The following SGSM2 variants were observed in gnomAD, a reference collection of about 807,000 sequenced individuals.
The protein encoded by SGSM2 is RUN and TBC1 domain containing 1.
A neutral mutation model predicts 126.6 loss-of-function variants in SGSM2; 89 were observed. The observed-to-expected ratio is 0.70, with a 90% CI of 0.59 to 0.84. SGSM2 has a LOEUF of 0.84. Among genes scored for constraint, SGSM2 ranks in the 40% least tolerant of loss-of-function variants. The pLI, the probability that SGSM2 is intolerant of heterozygous loss-of-function variation, is 0.00. For missense variants in SGSM2, 1,404 were observed against 1,416.6 expected (o/e 0.99, Z 0.14); for synonymous variants, 614 against 574.3 (o/e 1.07, Z -0.99).
At chr17:2,358,292 G>A (rs1374830077) in intron 2 of SGSM2, among the ~76,000 whole-genome samples, 1 of 152,228 alleles carries the variant, frequency 6.6e-6, no homozygotes, top group East Asian at 1.9e-4. Flanking sequence ...CGGGGAAGGA[G>A]GACACTGTTG....
intron 2 of SGSM2, among the ~76,000 whole-genome samples, chr17:2,358,105 C>T (rs1424095103): frequency 1.3e-5 from 2 of 152,150 alleles, no homozygotes; most frequent in Non-Finnish European, 2.9e-5. Context: ...CACCCTCCAC[C>T]CTGGGAGGTG....
In SGSM2 at chr17:2,379,100, G is replaced by T; in HGVS notation, c.2964G>T (p.Ser988=). 6.2e-7 allele frequency: 1 copy of T among 1,614,202 alleles called. No homozygotes were observed. The highest frequency in any genetic ancestry group is 8.5e-7 in the Non-Finnish European group (1 of 1,180,022). ...EVIWAARHIS[S]EHFVLFIALA... ...TCTGGGCAGCCAGGCACATCTCATC[G>T]GAGCACTTTGTCCTGTTCATCGCCC... The change falls in exon 23 of 24, where the codon TCG becomes TCT. Residue 988 remains serine, a synonymous_variant. Transcript: ENST00000268989.
At chr17:2,349,199 A>C (rs2064740097) in intron 2 of SGSM2, among the ~76,000 whole-genome samples, 1 of 152,040 alleles carries the variant, frequency 6.6e-6, no homozygotes, top group Non-Finnish European at 1.5e-5. Context: ...AAAATGGCGA[A>C]GCCCCATCTG....
At position 2,372,349 on chromosome 17, in the gene SGSM2, C is replaced by T; in HGVS notation, c.1649C>T (p.Ala550Val). Residue 550 changes from alanine (A) to valine (V), a missense_variant, in exon 15 of 24, where the codon GCA (alanine) becomes GTA (valine). Physicochemically the swap from Ala to Val is moderately conservative, Grantham distance 64. Transcript: ENST00000268989. The surrounding 1 kb of genome is among the most constrained non-coding windows in gnomAD (Gnocchi z 6.0). ...CCACCGCTGCCCACCGCAGGGCTGG[C>T]ACACTGCCGCCACCTGTCCACGGTG... Reference protein sequence around the residue: ...IVSRAFYGWLAHCRHLSTVRT... With the variant: ...IVSRAFYGWLVHCRHLSTVRT... 1 of 1,594,332 alleles carries T rather than the reference C, an allele frequency of 6.3e-7. No individual in the cohort carries two copies. The highest frequency in any genetic ancestry group is 8.5e-7 in the Non-Finnish European group (1 of 1,170,732).
At chr17:2,378,945 C>CAATCCCAGCCT (rs2066301396) in intron 22 of SGSM2, 91 bp from the exon 23 acceptor site, 35 of 1,426,366 alleles carry the variant, frequency 2.5e-5, no homozygotes, top group Non-Finnish European at 3.3e-5. Flanking sequence ...AGCCTCAGCC[C>CAATCCCAGCCT]CAGCCTCAAT....
intron 12 of SGSM2, 38 bp from the exon 13 acceptor site, chr17:2,371,224 G>A: frequency 2.5e-6 from 4 of 1,591,256 alleles, no homozygotes; most frequent in Non-Finnish European, 2.6e-6. Context: ...GAGAGAAGGT[G>A]TCTCAGGCCC....
rs1205642102 is a variant in SGSM2 at position 2,363,351 on chromosome 17, G to A, written c.673-114G>A. 1 of 1,515,356 alleles carries A rather than the reference G, an allele frequency of 6.6e-7. No homozygotes were observed. Among genetic ancestry groups the A allele is most frequent in the African/African-American group, 1.4e-5 (1 of 72,420 alleles). 93.9% of individuals were successfully genotyped at this position (1,515,356 alleles called of 1,614,324 possible). On this transcript the variant is annotated intron_variant, in intron 6 of 23. Transcript: ENST00000268989. The surrounding 1 kb of genome is among the most constrained non-coding windows in gnomAD (Gnocchi z 4.2). ...CAGAGGGTGGCTGGGAGTAAACCGG[G>A]GCAGGAAGGACCCCTGGGGTCAGCT...
chr17:2,379,517 G>C lies in SGSM2; in HGVS notation c.3153G>C (p.Lys1051Asn). Residue 1051 changes from lysine to asparagine, a missense_variant, in exon 24 of 24, where the codon AAG becomes AAC. Lys to Asn is a moderately conservative substitution (Grantham distance 94, BLOSUM62 0). Coordinates refer to ENST00000268989, the MANE Select transcript of SGSM2 (RefSeq NM_014853.3). ...VHKVQMLIEN[K>N] ...AGGTGCAGATGCTCATAGAGAACAA[G>C]TGAGCTGGGGCCAGGAGGCAGCAGC... The C allele has an allele frequency of 1.2e-6, 2 of 1,611,214 alleles. No homozygotes were observed. Among genetic ancestry groups the C allele is most frequent in the South Asian group, 1.1e-5 (1 of 90,986 alleles).
At chr17:2,378,951 TCAATCC>T (rs2066301893) in intron 22 of SGSM2, 79 bp from the exon 23 acceptor site, 1 of 1,479,448 alleles carries the variant, frequency 6.8e-7, no homozygotes, top group Non-Finnish European at 9.1e-7. Flanking sequence ...AGCCCCAGCC[TCAATCC>T]CAGCCTCAGC....
In SGSM2 at chr17:2,372,679, C is replaced by A; in HGVS notation, c.1788+191C>A. ...ACGGGAAGGGGGCTGGACTGGGAAG[C>A]CGTCCTGCCTCCACATCGCCCTGTG... is the stretch of plus-strand genomic sequence containing the variant. On this transcript the variant is annotated intron_variant, in intron 15 of 23. Transcript: ENST00000268989. This position sits in a 1 kb window ranked among gnomAD's most constrained non-coding sequence, Gnocchi z 6.0. 1 of 883,292 alleles carries A rather than the reference C, an allele frequency of 1.1e-6. No individual in the cohort carries two copies. The highest frequency in any genetic ancestry group is 1.7e-6 in the Non-Finnish European group (1 of 574,682). 54.7% of individuals were successfully genotyped at this position (883,292 alleles called of 1,614,324 possible).
At chr17:2,373,199 G>C in intron 16 of SGSM2, 118 bp downstream of exon 16, 1 of 1,544,862 alleles carries the variant, frequency 6.5e-7, no homozygotes. Context: ...TGGCAGGGCA[G>C]CTCCACCGTC....
chr17:2,340,378 A>T (rs529323500), intron 1 of SGSM2, among the ~76,000 whole-genome samples: 2 of 152,168 alleles, frequency 1.3e-5, no homozygotes, highest in South Asian at 4.2e-4. Context: ...CTGGGATTAC[A>T]GGCATGAGCC....
chr17:2,380,038 G>GCGGGAGACCCGGGCA lies in SGSM2; in HGVS notation c.*533_*547dup, dbSNP rs527751831. The GCGGGAGACCCGGGCA allele has an allele frequency of 1.3e-4, 189 of 1,409,070 alleles. No individual in the cohort carries two copies. Among genetic ancestry groups the GCGGGAGACCCGGGCA allele is most frequent in the Admixed American group, 1.1e-3 (37 of 32,302 alleles). The allele number at this position is 1,409,070 out of a possible 1,614,324, so 87.3% of individuals were successfully genotyped here. A position where few individuals can be genotyped will look rare whatever the true frequency, so the allele number is the denominator to read the frequency against. Reference sequence around the variant, plus strand: ...TCTGGTTTAGGCACACGTCACGGGTGCGGGAGACCCGGGCACGGGAGACCC... The same window carrying GCGGGAGACCCGGGCA: ...TCTGGTTTAGGCACACGTCACGGGTGCGGGAGACCCGGGCACGGGAGACCCGGGCACGGGAGACCC... On this transcript the variant is annotated 3_prime_UTR_variant, in exon 24 of 24. Transcript: ENST00000268989.
chr17:2,378,903 C>CCAGCAT (rs1567854757), intron 22 of SGSM2, 133 bp from the exon 23 acceptor site: 2 of 1,094,030 alleles, frequency 1.8e-6, no homozygotes, highest in East Asian at 5.2e-5. Flanking sequence ...GCCAGTCCGG[C>CCAGCAT]CAGCATCAGC....
rs2065405348 is a variant in SGSM2, at chr17:2,363,329, AG to A, written c.673-133del. ...ATGCTGGTCCGTGGCTGGAGAGCAG[AG>A]GGTGGCTGGGAGTAAACCGGGGCAG... On this transcript the variant is annotated intron_variant, in intron 6 of 23. Transcript: ENST00000268989. The surrounding 1 kb of genome is among the most constrained non-coding windows in gnomAD (Gnocchi z 4.2). 10 of 1,431,320 alleles carry A rather than the reference AG, an allele frequency of 7.0e-6. No homozygotes were observed. Among genetic ancestry groups the A allele is most frequent in the Non-Finnish European group, 9.4e-6 (10 of 1,061,060 alleles). 88.7% of individuals were successfully genotyped at this position (1,431,320 alleles called of 1,614,324 possible).
chr17:2,379,132 T>C lies in SGSM2; in HGVS notation c.2996T>C (p.Leu999Pro), dbSNP rs2066309640. The change falls in exon 23 of 24, where the codon CTG (leucine) becomes CCG (proline). Residue 999 changes from leucine to proline, a missense_variant. Transcript: ENST00000268989. ...TTTGTCCTGTTCATCGCCCTCGCCC[T>C]GGTGGAGGCCTACCGAGAGATCATC... ...EHFVLFIALALVEAYREIIRD... is the reference protein window; with the variant it reads ...EHFVLFIALAPVEAYREIIRD... The C allele has an allele frequency of 6.2e-7, 1 of 1,614,164 alleles. No homozygotes were observed. Among genetic ancestry groups the C allele is most frequent in the Non-Finnish European group, 8.5e-7 (1 of 1,180,016 alleles).
In SGSM2 at chr17:2,375,587, G is replaced by A. The variant is rs771513048; in HGVS notation, c.2196G>A (p.Pro732=). ...KPEQEAGPGT[P]GTAVVEQQHS... is the part of the protein sequence containing the mutation. Reference sequence around the variant, plus strand: ...AGCAGGAAGCAGGACCCGGGACTCCGGGCACCGCCGTGGTGGAGCAGCAGC... The same window carrying A: ...AGCAGGAAGCAGGACCCGGGACTCCAGGCACCGCCGTGGTGGAGCAGCAGC... The change falls in exon 18 of 24, where the codon CCG becomes CCA. Residue 732 remains proline, a synonymous_variant. Transcript: ENST00000268989. The A allele has an allele frequency of 1.8e-5, 29 of 1,613,804 alleles. No individual in the cohort carries two copies. The highest frequency in any genetic ancestry group is 1.6e-4 in the Middle Eastern group (1 of 6,082).
intron 2 of SGSM2, among the ~76,000 whole-genome samples, chr17:2,350,682 C>T (rs187968107): frequency 8.5e-5 from 13 of 152,104 alleles, no homozygotes; most frequent in African/African-American, 2.9e-4. Context: ...TCCAGCGTGC[C>T]GGTGGAAGGT....
chr17:2,338,224 C>T (rs1183483352), intron 1 of SGSM2, among the ~76,000 whole-genome samples: 1 of 152,174 alleles, frequency 6.6e-6, no homozygotes, highest in Non-Finnish European at 1.5e-5. Flanking sequence ...CCTCCAGCTA[C>T]GGAGTGATCG....
Sources: gnomAD v4.1 joint callset for allele counts (sites outside exome capture counted in the v4.1 genomes callset) on GRCh38, gnomAD v4.1.1 for gene constraint, Gnocchi (gnomAD v3.1) non-coding constraint, MANE v1.5 for transcripts, NCBI Gene and HGNC (gene_info 2026-07-23, HGNC 2026-07-21) for gene names.